CNBD1: variants seen among roughly 807,000 people sequenced by gnomAD.
CNBD1 encodes the protein cyclic nucleotide-binding domain-containing protein 1.
A neutral mutation model predicts 54.4 loss-of-function variants in CNBD1; 71 were observed. The observed-to-expected ratio is 1.30, with a 90% CI of 1.08 to 1.59. The LOEUF is 1.59. Ranked by LOEUF, CNBD1 falls within the 40% of genes most tolerant of loss-of-function variation. The probability of loss-of-function intolerance (pLI) is 0.00; values close to 1 mark genes in which losing one functional copy is unlikely to be tolerated. For synonymous variants in CNBD1, 182 were observed against 170.7 expected (o/e 1.07, Z -0.51); for missense variants, 659 against 518.0 (o/e 1.27, Z -2.64).
chr8:87,309,650 ATATCTT>A (rs969227840), intron 8 of CNBD1, among the ~76,000 whole-genome samples: 2 of 152,218 alleles, frequency 1.3e-5, no homozygotes, highest in African/African-American at 4.8e-5. Context: ...GTCTGTATCT[ATATCTT>A]TATCACTTAT....
intron 4 of CNBD1, among the ~76,000 whole-genome samples, chr8:87,055,565 CCTGGCCTGCTTAT>C (rs777466790): frequency 1.2e-4 from 19 of 152,140 alleles, no homozygotes; most frequent in Non-Finnish European, 2.6e-4. Context: ...ACCTTGCCTG[CCTGGCCTGCTTAT>C]CTGTACATCT....
chr8:87,370,617 C>G (rs544019110), intron 10 of CNBD1, among the ~76,000 whole-genome samples: 1 of 151,784 alleles, frequency 6.6e-6, no homozygotes, highest in East Asian at 1.9e-4. Context: ...ATTGTAGATT[C>G]TGGATATTAG....
At chr8:86,965,312 T>C (rs1236542638) in intron 4 of CNBD1, among the ~76,000 whole-genome samples, 1 of 152,138 alleles carries the variant, frequency 6.6e-6, no homozygotes, top group African/African-American at 2.4e-5. Context: ...TCCAGGGGCC[T>C]TTGGATAACA....
intron 6 of CNBD1, 130 bp from the exon 7 acceptor site, chr8:87,284,548 A>G (rs1245298413): frequency 1.6e-6 from 1 of 644,084 alleles, no homozygotes; most frequent in Non-Finnish European, 2.4e-6. Flanking sequence ...AGTAGGAGCC[A>G]TCCATGCAGA....
At chr8:86,915,432 A>C (rs2131818995) in intron 3 of CNBD1, among the ~76,000 whole-genome samples, 1 of 152,178 alleles carries the variant, frequency 6.6e-6, no homozygotes, top group African/African-American at 2.4e-5. Context: ...CTATCCTCCT[A>C]GGTTTGTGGT....
chr8:87,122,908 CTGATGATGT>C (rs1811918848), intron 4 of CNBD1, among the ~76,000 whole-genome samples: 2 of 151,796 alleles, frequency 1.3e-5, no homozygotes, highest in Non-Finnish European at 3.0e-5. Flanking sequence ...TCCTATTTGA[CTGATGATGT>C]AGCTGTGTTA....
intron 3 of CNBD1, among the ~76,000 whole-genome samples, chr8:86,938,599 A>G (rs952435163): frequency 5.3e-5 from 8 of 152,192 alleles, no homozygotes; most frequent in Admixed American, 5.2e-4. Flanking sequence ...TCTCCTTTAT[A>G]AAACCATCAG....
intron 8 of CNBD1, among the ~76,000 whole-genome samples, chr8:87,328,801 G>T (rs1809749462): frequency 1.3e-5 from 2 of 151,748 alleles, no homozygotes; most frequent in Non-Finnish European, 2.9e-5. Context: ...ATATTTTTCA[G>T]TGTGCAAGCC....
At chr8:87,153,583 G>A (rs1812651193) in intron 4 of CNBD1, among the ~76,000 whole-genome samples, 1 of 152,130 alleles carries the variant, frequency 6.6e-6, no homozygotes, top group African/African-American at 2.4e-5. Context: ...ATGGGACGTT[G>A]ATTTAATAAA....
chr8:87,427,219 T>C (rs994068795), intron 2 of CNBD1, among the ~76,000 whole-genome samples: 1 of 152,100 alleles, frequency 6.6e-6, no homozygotes, highest in Non-Finnish European at 1.5e-5. Context: ...GTATGTCCTT[T>C]GAAACATACA....
chr8:87,359,398 G>C (rs1288674230), intron 10 of CNBD1, among the ~76,000 whole-genome samples: 1 of 151,920 alleles, frequency 6.6e-6, no homozygotes, highest in Non-Finnish European at 1.5e-5. Context: ...ATGTGCTTGA[G>C]GACTAGATTT....
At chr8:86,878,191 A>G (rs1808553467) in intron 1 of CNBD1, among the ~76,000 whole-genome samples, 1 of 151,894 alleles carries the variant, frequency 6.6e-6, no homozygotes. Context: ...TGCATACTGC[A>G]TACTATTTGA....
In CNBD1 at chr8:86,871,784, T is replaced by G. The variant is rs185179562; in HGVS notation, c.88+5201T>G. ...TCTGTGGAAGAAGTCCCCAGATGCC[T>G]AGGCTGCATCCCACACAGCCAGCCC... On this transcript the variant is annotated intron_variant, in intron 1 of 10. Transcript: ENST00000518476. 1.2e-3 allele frequency among the ~76,000 whole-genome samples: 181 copies of G among 152,298 alleles called. 3 individuals are homozygous for G. The highest frequency in any genetic ancestry group is 9.9e-3 in the Admixed American group (151 of 15,304).
At chr8:87,209,225 C>T (rs1180315832) in intron 5 of CNBD1, among the ~76,000 whole-genome samples, 2 of 152,052 alleles carry the variant, frequency 1.3e-5, no homozygotes, top group Non-Finnish European at 2.9e-5. Context: ...ATCAATTATT[C>T]TGACACTCTT....
chr8:87,419,839 A>T (rs186066642), intron 2 of CNBD1, among the ~76,000 whole-genome samples: 11 of 151,770 alleles, frequency 7.2e-5, no homozygotes, highest in Admixed American at 2.0e-4. Flanking sequence ...AAAGGACAAG[A>T]GAGAAAATGG....
At chr8:87,051,118 G>T (rs1267783220) in intron 4 of CNBD1, among the ~76,000 whole-genome samples, 1 of 152,146 alleles carries the variant, frequency 6.6e-6, no homozygotes, top group Non-Finnish European at 1.5e-5. Flanking sequence ...AGACTTTCAG[G>T]CATAATTAAA....
chr8:87,381,331 T>C (rs1811068170), intron 10 of CNBD1, among the ~76,000 whole-genome samples: 1 of 151,980 alleles, frequency 6.6e-6, no homozygotes. Flanking sequence ...CACAGTGAAA[T>C]ATTACCTCAT....
At chr8:86,883,879 C>T (rs35783725) in intron 1 of CNBD1, among the ~76,000 whole-genome samples, 11,775 of 152,032 alleles carry the variant, frequency 0.077, 484 homozygotes, top group African/African-American at 0.099. Flanking sequence ...CGGCTGGGCG[C>T]GGTGGCTCAC....
chr8:87,011,791 T>C (rs1375768071), intron 4 of CNBD1, among the ~76,000 whole-genome samples: 6 of 152,170 alleles, frequency 3.9e-5, no homozygotes, highest in Non-Finnish European at 5.9e-5. Flanking sequence ...GAGGCTCATA[T>C]TGTTTTTATG....
Sources: gnomAD v4.1 joint callset for allele counts (sites outside exome capture counted in the v4.1 genomes callset) on GRCh38, gnomAD v4.1.1 for gene constraint, MANE v1.5 for transcripts, NCBI Gene and HGNC (gene_info 2026-07-23, HGNC 2026-07-21) for gene names.